CHRNB4: variants seen among roughly 807,000 people sequenced by gnomAD.
CHRNB4 encodes cholinergic receptor nicotinic beta 4 subunit.
A neutral mutation model predicts 40.4 loss-of-function variants in CHRNB4; 23 were observed. That is an observed-to-expected ratio of 0.57 (90% CI 0.41 to 0.81). The LOEUF (loss-of-function observed/expected upper bound fraction) is 0.81, where lower values mean the gene tolerates loss of function less well. Ranked by LOEUF, CHRNB4 falls within the 30% of genes least tolerant of loss-of-function variation. CHRNB4 has a pLI of 0.00. For synonymous variants in CHRNB4, 285 were observed against 274.4 expected, an observed-to-expected ratio of 1.04 and a Z score of -0.38; for missense variants, 568 against 670.6, an observed-to-expected ratio of 0.85 and a Z score of 1.69.
intron 5 of CHRNB4, 136 bp from the exon 6 acceptor site, chr15:78,625,427 G>T: frequency 3.8e-6 from 3 of 788,692 alleles, no homozygotes; most frequent in Non-Finnish European, 1.9e-6. Context: ...GGCAAGTTCT[G>T]AGTCCCAGGC....
In CHRNB4 at chr15:78,630,143, C is replaced by T. The variant is rs28663281; in HGVS notation, c.360-198G>A. On this transcript the variant is annotated intron_variant, in intron 4 of 5. Coordinates refer to ENST00000261751, the MANE Select transcript of CHRNB4 (RefSeq NM_000750.5). ...AGAGCCCTAACATCAAAGCACCCCC[C>T]TTTTTTTTTTTTTTGAGACAGACTC... 4.2e-4 allele frequency among the ~76,000 whole-genome samples: 60 copies of T among 143,230 alleles called. 1 individual carries two copies. Among genetic ancestry groups the T allele is most frequent in the African/African-American group, 1.3e-3 (50 of 38,818 alleles). 94.0% of individuals were successfully genotyped at this position (143,230 alleles called of 152,430 possible).
intron 1 of CHRNB4, among the ~76,000 whole-genome samples, chr15:78,635,914 C>CTT (rs898434367): frequency 1.3e-5 from 2 of 151,816 alleles, no homozygotes; most frequent in Admixed American, 6.6e-5. Context: ...TTAGTCCTGT[C>CTT]TTTTTTTGTA....
intron 1 of CHRNB4, among the ~76,000 whole-genome samples, chr15:78,639,989 G>C (rs2054035771): frequency 6.6e-6 from 1 of 152,132 alleles, no homozygotes; most frequent in South Asian, 2.1e-4. Flanking sequence ...CTCTTTATAG[G>C]AGTAGTACAA....
upstream of CHRNB4, chr15:78,660,624 C>T (rs8028991): frequency 0.051 from 8,300 of 162,228 alleles, 766 homozygotes; most frequent in African/African-American, 0.19. Flanking sequence ...GTCAGTGCGA[C>T]GACTGGAACC....
At chr15:78,653,943 G>T (rs1042305257) in intron 5 of CHRNB4, among the ~76,000 whole-genome samples, 4 of 152,152 alleles carry the variant, frequency 2.6e-5, no homozygotes, top group South Asian at 2.1e-4. Flanking sequence ...CAGCACCATG[G>T]AAGGGATGGG....
intron 6 of CHRNB4, among the ~76,000 whole-genome samples, chr15:78,651,847 C>T (rs960831679): frequency 1.3e-5 from 2 of 152,204 alleles, no homozygotes; most frequent in African/African-American, 4.8e-5. Flanking sequence ...TCCTTCAGCC[C>T]CTTAGCAGAA....
intron 1 of CHRNB4, among the ~76,000 whole-genome samples, chr15:78,638,104 C>A (rs532867446): frequency 6.6e-6 from 1 of 152,246 alleles, no homozygotes; most frequent in Non-Finnish European, 1.5e-5. Context: ...TCCCATCCCC[C>A]AGCCCTGCAA....
chr15:78,657,075 A>T (rs2054220693), intron 3 of CHRNB4, among the ~76,000 whole-genome samples: 1 of 150,938 alleles, frequency 6.6e-6, no homozygotes. Context: ...CCCAGGCTGG[A>T]GTGCAGTGGT....
intron 1 of CHRNB4, among the ~76,000 whole-genome samples, chr15:78,660,206 TAAA>T (rs34647677): frequency 2.8e-5 from 4 of 143,624 alleles, no homozygotes; most frequent in Admixed American, 2.8e-4. Flanking sequence ...GACTCCGTCT[TAAA>T]AAAAAAAAAA....
rs764898935 is a variant in CHRNB4 at position 78,641,160 on chromosome 15, C to T, written c.-27G>A. Reference sequence around the variant, plus strand: ...GCCGGCGGGGCCGGGTGGCAGCCGCCGCGAGCTCCGCTGTGGGGTCACAGG... The same window carrying T: ...GCCGGCGGGGCCGGGTGGCAGCCGCTGCGAGCTCCGCTGTGGGGTCACAGG... On this transcript the variant is annotated 5_prime_UTR_variant, in exon 1 of 6. Coordinates refer to ENST00000261751, the MANE Select transcript of CHRNB4 (RefSeq NM_000750.5). 7.8e-6 allele frequency: 12 copies of T among 1,537,090 alleles called. No homozygotes were observed. In the African/African-American group the frequency reaches 1.7e-4, roughly 21 times the overall value.
Position 78,629,283 on chromosome 15 carries a change from A to T in CHRNB4, c.1022T>A (p.Leu341Gln), listed in dbSNP as rs751869707. The change falls in exon 5 of 6, where the codon CTG becomes CAG. Residue 341 changes from leucine (L) to glutamine (Q), a missense_variant. This residue lies in a region of CHRNB4 where 242 missense variants were observed against 274.9 expected (regional missense o/e 0.88). Coordinates refer to ENST00000261751, the MANE Select transcript of CHRNB4 (RefSeq NM_000750.5). This position sits in a 1 kb window ranked among gnomAD's most constrained non-coding sequence, Gnocchi z 6.8. ...GCGCTTCATGAAGAGGAAGGTAGGC[A>T]GCTTGTGCAGGAAGCAGCGCTTGAC... ...PWVKRCFLHK[L>Q]PTFLFMKRPG... The T allele has an allele frequency of 1.1e-5, 17 of 1,613,364 alleles. No homozygotes were observed. The highest frequency in any genetic ancestry group is 1.4e-5 in the Non-Finnish European group (17 of 1,179,616).
In CHRNB4 at chr15:78,624,973, G is replaced by GCC. The variant is rs2082699183; in HGVS notation, c.*158_*159dup. On this transcript the variant is annotated 3_prime_UTR_variant, in exon 6 of 6. Coordinates refer to ENST00000261751, the MANE Select transcript of CHRNB4 (RefSeq NM_000750.5). The stretch of plus-strand genomic sequence containing the variant: ...AAGGCATTCAGAGAGGACAGCCCAG[G>GCC]CCCCCATCCTTGCCTGTTCCACGGC... The GCC allele has an allele frequency of 6.4e-7, 1 of 1,560,508 alleles. No homozygotes were observed. Among genetic ancestry groups the GCC allele is most frequent in the East Asian group, 2.4e-5 (1 of 42,518 alleles).
chr15:78,637,496 G>A (rs1383202853), intron 1 of CHRNB4, among the ~76,000 whole-genome samples: 6 of 151,996 alleles, frequency 3.9e-5, no homozygotes, highest in African/African-American at 1.5e-4. Flanking sequence ...AGGGGCCGGA[G>A]AGGTGGGGGC....
chr15:78,649,511 G>C, intron 6 of CHRNB4: 1 of 408,928 alleles, frequency 2.4e-6, no homozygotes, highest in Non-Finnish European at 4.8e-6. Flanking sequence ...GCAAAGCAAA[G>C]ACTGCAACAG....
chr15:78,656,267 G>A (rs1164144361), exon 4 of CHRNB4: 1 of 151,204 alleles, frequency 6.6e-6, no homozygotes, highest in Non-Finnish European at 1.5e-5. Context: ...AACCCGGGAG[G>A]TGGAGGTTGC....
At chr15:78,628,673 C>T (rs1244490184) in intron 5 of CHRNB4, among the ~76,000 whole-genome samples, 2 of 152,186 alleles carry the variant, frequency 1.3e-5, no homozygotes, top group Non-Finnish European at 2.9e-5. Flanking sequence ...TCCCTCCTTC[C>T]TCACTGTGCT....
At chr15:78,648,315 C>T (rs374194757) in intron 7 of CHRNB4, among the ~76,000 whole-genome samples, 1 of 150,100 alleles carries the variant, frequency 6.7e-6, no homozygotes, top group African/African-American at 2.5e-5. Context: ...ATGGCATGAA[C>T]CTGAGAGACG....
intron 2 of CHRNB4, among the ~76,000 whole-genome samples, chr15:78,633,757 G>C (rs1375555811): frequency 6.6e-6 from 1 of 152,138 alleles, no homozygotes; most frequent in Non-Finnish European, 1.5e-5. Flanking sequence ...TCTTCCAGGA[G>C]AATGTGTCAA....
At chr15:78,645,820 G>A (rs2054118341), upstream of CHRNB4, among the ~76,000 whole-genome samples, 1 of 152,142 alleles carries the variant, frequency 6.6e-6, no homozygotes, top group South Asian at 2.1e-4. Flanking sequence ...AGCACTTTGG[G>A]AGGCTGGGGC....
Sources: gnomAD v4.1 joint callset for allele counts (sites outside exome capture counted in the v4.1 genomes callset) on GRCh38, gnomAD v4.1.1 for gene constraint, gnomAD v4.1.1 regional missense constraint, Gnocchi (gnomAD v3.1) non-coding constraint, MANE v1.5 for transcripts, NCBI Gene and HGNC (gene_info 2026-07-23, HGNC 2026-07-21) for gene names.